The following TSHZ2 variants were observed in gnomAD, a reference collection of about 807,000 sequenced individuals.
The protein encoded by TSHZ2 is teashirt zinc finger homeobox 2.
A neutral mutation model predicts 74.4 loss-of-function variants in TSHZ2; 21 were observed. The observed-to-expected ratio is 0.28, with a 90% CI of 0.20 to 0.41. The LOEUF is 0.41. Among genes scored for constraint, TSHZ2 ranks in the 10% least tolerant of loss-of-function variants. The probability of loss-of-function intolerance (pLI) is 1.00; values close to 1 mark genes in which losing one functional copy is unlikely to be tolerated. For synonymous variants in TSHZ2, 540 were observed against 515.3 expected, an observed-to-expected ratio of 1.05 and a Z score of -0.65; for missense variants, 1,244 against 1,293.5, an observed-to-expected ratio of 0.96 and a Z score of 0.59.
chr20:52,998,922 G>A (rs1048253915), intron 1 of TSHZ2, among the ~76,000 whole-genome samples: 5 of 152,154 alleles, frequency 3.3e-5, no homozygotes, highest in Non-Finnish European at 5.9e-5. Flanking sequence ...TCAATTCCAG[G>A]TGATGAGAAA....
chr20:53,177,923 G>A (rs945745449), intron 1 of TSHZ2, among the ~76,000 whole-genome samples: 8 of 152,234 alleles, frequency 5.3e-5, no homozygotes, highest in African/African-American at 1.9e-4. Context: ...CTCTCGCACT[G>A]CTTTGGCTCT....
At chr20:53,100,773 A>G (rs933061683) in intron 1 of TSHZ2, among the ~76,000 whole-genome samples, 7 of 152,222 alleles carry the variant, frequency 4.6e-5, no homozygotes, top group African/African-American at 1.7e-4. Context: ...ACCTCTGGAC[A>G]AAATACTCTT....
intron 2 of TSHZ2, among the ~76,000 whole-genome samples, chr20:53,372,025 CCTT>C (rs1981492502): frequency 6.6e-6 from 1 of 152,144 alleles, no homozygotes; most frequent in Non-Finnish European, 1.5e-5. Context: ...ATATCTGCCT[CCTT>C]CTCTGTGTTT....
chr20:53,144,224 T>C (rs553861168), intron 1 of TSHZ2, among the ~76,000 whole-genome samples: 58 of 152,330 alleles, frequency 3.8e-4, no homozygotes, highest in African/African-American at 1.4e-3. Flanking sequence ...GCATGACTCC[T>C]AAACCATAGT....
At chr20:53,092,992 TATGG>T (rs1453910547) in intron 1 of TSHZ2, among the ~76,000 whole-genome samples, 1 of 152,196 alleles carries the variant, frequency 6.6e-6, no homozygotes, top group Non-Finnish European at 1.5e-5. Flanking sequence ...GTGAGCCGGA[TATGG>T]CCCTGGGACT....
At chr20:53,126,902 G>A (rs1208017297) in intron 1 of TSHZ2, among the ~76,000 whole-genome samples, 1 of 152,130 alleles carries the variant, frequency 6.6e-6, no homozygotes, top group Non-Finnish European at 1.5e-5. Flanking sequence ...GTGAGAGGTA[G>A]AGATAAATCT....
chr20:53,244,223 C>A (rs1252918527), intron 1 of TSHZ2, among the ~76,000 whole-genome samples: 4 of 152,002 alleles, frequency 2.6e-5, no homozygotes. Flanking sequence ...AAAAAAAAAC[C>A]TCTCCAGTCT....
At chr20:53,465,411 C>T (rs1985524819) in intron 2 of TSHZ2, among the ~76,000 whole-genome samples, 1 of 152,070 alleles carries the variant, frequency 6.6e-6, no homozygotes, top group Non-Finnish European at 1.5e-5. Flanking sequence ...GCTGGGACTA[C>T]AGGCACCCAC....
chr20:53,467,927 T>C (rs754808610), intron 2 of TSHZ2, among the ~76,000 whole-genome samples: 2 of 152,042 alleles, frequency 1.3e-5, no homozygotes, highest in Non-Finnish European at 1.5e-5. Flanking sequence ...TTTTGTGACA[T>C]AGTCAAATGC....
chr20:53,423,700 C>T lies in TSHZ2; in HGVS notation c.*9-63444C>T, dbSNP rs1030749050. On this transcript the variant is annotated intron_variant, in intron 2 of 2. Coordinates refer to ENST00000371497, the MANE Select transcript of TSHZ2 (RefSeq NM_173485.6). ...AACTTGCACATGTCACCTCATTCCG[C>T]CCATGCAGCGTTACTGAAAAATGCA... Among the ~76,000 whole-genome samples the T allele has an allele frequency of 3.3e-5, 5 of 152,322 alleles. No individual in the cohort carries two copies. In the South Asian group the frequency reaches 1.0e-3, roughly 32 times the overall value.
At chr20:53,317,464 TTAAAA>T (rs1197663634) in intron 2 of TSHZ2, among the ~76,000 whole-genome samples, 3 of 152,174 alleles carry the variant, frequency 2.0e-5, no homozygotes, top group Non-Finnish European at 2.9e-5. Flanking sequence ...TGTGAAATAC[TTAAAA>T]TAAAGACGTT....
At chr20:53,201,102 T>A (rs1310086063) in intron 1 of TSHZ2, among the ~76,000 whole-genome samples, 2 of 152,116 alleles carry the variant, frequency 1.3e-5, no homozygotes, top group Non-Finnish European at 2.9e-5. Flanking sequence ...GGGTAGGGAC[T>A]TTTTACTTCT....
intron 2 of TSHZ2, among the ~76,000 whole-genome samples, chr20:53,451,436 A>G (rs1984780761): frequency 6.6e-6 from 1 of 152,208 alleles, no homozygotes; most frequent in Admixed American, 6.5e-5. Context: ...ATGCTTTGCT[A>G]TATTTTGCCT....
chr20:53,466,345 T>C (rs1985564107), intron 2 of TSHZ2, among the ~76,000 whole-genome samples: 1 of 152,122 alleles, frequency 6.6e-6, no homozygotes, highest in Non-Finnish European at 1.5e-5. Context: ...CCGTTCTTAT[T>C]AAATGCCAGC....
At chr20:53,201,603 T>C (rs1989007122) in intron 1 of TSHZ2, among the ~76,000 whole-genome samples, 1 of 152,172 alleles carries the variant, frequency 6.6e-6, no homozygotes, top group South Asian at 2.1e-4. Context: ...TCACATAAAC[T>C]GACATTCACA....
At chr20:53,140,750 G>A (rs11696347) in intron 1 of TSHZ2, among the ~76,000 whole-genome samples, 7,678 of 152,146 alleles carry the variant, frequency 0.05, 276 homozygotes, top group Middle Eastern at 0.088. Context: ...CCACTCCTCA[G>A]GCTTCCCAGA....
intron 1 of TSHZ2, among the ~76,000 whole-genome samples, chr20:53,106,078 A>C (rs139329359): frequency 1.3e-5 from 2 of 152,304 alleles, no homozygotes; most frequent in African/African-American, 4.8e-5. Flanking sequence ...TCAAATCTTT[A>C]ATATTGTGGG....
At chr20:53,024,046 T>C (rs1018060306) in intron 1 of TSHZ2, among the ~76,000 whole-genome samples, 1 of 152,162 alleles carries the variant, frequency 6.6e-6, no homozygotes, top group Non-Finnish European at 1.5e-5. Context: ...GTCATTTTTT[T>C]CCCCTATTGA....
At chr20:53,462,811 C>A (rs76381276) in intron 2 of TSHZ2, among the ~76,000 whole-genome samples, 23 of 152,088 alleles carry the variant, frequency 1.5e-4, no homozygotes, top group Admixed American at 1.2e-3. Flanking sequence ...GTCACATGAG[C>A]CAGTGGTTAA....
Sources: allele counts gnomAD v4.1 joint callset (sites outside exome capture counted in the v4.1 genomes callset), GRCh38; gene constraint gnomAD v4.1.1; transcripts MANE v1.5; gene names NCBI Gene and HGNC (gene_info 2026-07-23, HGNC 2026-07-21).